Variants in CTNS observed in about 807,000 individuals in gnomAD.
CTNS encodes cystinosin, lysosomal cystine transporter.
CTNS carries 27 observed loss-of-function variants against 43.7 expected under a neutral mutation model. That is an observed-to-expected ratio of 0.62 (90% CI 0.46 to 0.85). The LOEUF (loss-of-function observed/expected upper bound fraction) is 0.85. CTNS is among the 40% of genes least tolerant of loss of function. The pLI, the probability that CTNS is intolerant of heterozygous loss-of-function variation, is 0.00. For synonymous variants in CTNS, 187 were observed against 190.6 expected (o/e 0.98, Z 0.16); for missense variants, 457 against 475.4 (o/e 0.96, Z 0.36).
chr17:3,642,142 C>CGTGTGTGTGTGTGT (rs75793503), intron 3 of CTNS, among the ~76,000 whole-genome samples: 51 of 146,420 alleles, frequency 3.5e-4, no homozygotes, highest in African/African-American at 1.3e-3. Flanking sequence ...TGTGCCCGGG[C>CGTGTGTGTGTGTGT]GTGTGTGTGT....
intron 4 of CTNS, 102 bp from the exon 5 acceptor site, chr17:3,648,745 C>A: frequency 2.0e-6 from 2 of 1,008,958 alleles, no homozygotes; most frequent in Non-Finnish European, 1.6e-6. Context: ...ATTTCCTAAG[C>A]CTAACTGCTT....
intron 3 of CTNS, among the ~76,000 whole-genome samples, chr17:3,642,781 T>G (rs2075751665): frequency 1.3e-5 from 2 of 152,188 alleles, no homozygotes; most frequent in Admixed American, 1.3e-4. Context: ...TGTTTCTTTC[T>G]TCTCTTTGCT....
Position 3,657,867 on chromosome 17 carries a change from C to G in CTNS, c.682-138C>G, listed in dbSNP as rs1364665504. ...CCTGCCACAACCCCAGTGCAGCCCCCACCTTGCAGGGGCTCCTTCAAGGCC... is the reference window on the plus strand; with the variant it reads ...CCTGCCACAACCCCAGTGCAGCCCCGACCTTGCAGGGGCTCCTTCAAGGCC... On this transcript the variant is annotated intron_variant, in intron 9 of 11. Coordinates refer to ENST00000046640, the MANE Select transcript of CTNS (RefSeq NM_004937.3). 7 of 890,736 alleles carry G rather than the reference C, an allele frequency of 7.9e-6. No individual in the cohort carries two copies. In the Admixed American group the frequency reaches 1.1e-4, roughly 15 times the overall value. The allele number at this position is 890,736 out of a possible 1,614,324, so 55.2% of individuals were successfully genotyped here. A position where few individuals can be genotyped will look rare whatever the true frequency, so the allele number is the denominator to read the frequency against.
intron 5 of CTNS, among the ~76,000 whole-genome samples, chr17:3,653,098 C>T (rs2076025579): frequency 6.6e-6 from 1 of 152,122 alleles, no homozygotes; most frequent in African/African-American, 2.4e-5. Context: ...GCACTACAGC[C>T]TGAGCTACAG....
Position 3,660,898 on chromosome 17 carries a change from ACT to A in CTNS, c.*534_*535del, listed in dbSNP as rs2076266363. ...TCTCTGAAGGCCACTTTCCTGACGT[ACT>A]CTCTGTACATAACTCAGCGTCCGTG... On this transcript the variant is annotated 3_prime_UTR_variant, in exon 12 of 12. Transcript: ENST00000046640. 14 of 1,026,978 alleles carry A rather than the reference ACT, an allele frequency of 1.4e-5. No individual in the cohort carries two copies. The highest frequency in any genetic ancestry group is 2.9e-6 in the Non-Finnish European group (2 of 690,634). 63.6% of individuals were successfully genotyped at this position (1,026,978 alleles called of 1,614,324 possible). A position where few individuals can be genotyped will look rare whatever the true frequency, so the allele number is the denominator to read the frequency against.
At chr17:3,638,458 G>A (rs1265301825) in intron 2 of CTNS, among the ~76,000 whole-genome samples, 4 of 152,080 alleles carry the variant, frequency 2.6e-5, no homozygotes, top group South Asian at 4.2e-4. Context: ...GGCTGGTCTC[G>A]AACTCCTGAC....
intron 4 of CTNS, among the ~76,000 whole-genome samples, chr17:3,648,167 C>T (rs998279710): frequency 5.9e-5 from 9 of 152,192 alleles, no homozygotes; most frequent in Admixed American, 1.3e-4. Context: ...CCCCCTTCCT[C>T]GCCTCTCCTG....
At position 3,648,888 on chromosome 17, in the gene CTNS, C is replaced by G; in HGVS notation, c.182C>G (p.Thr61Arg). 6.2e-7 allele frequency: 1 copy of G among 1,614,062 alleles called. No homozygotes were observed. Among genetic ancestry groups the G allele is most frequent in the South Asian group, 1.1e-5 (1 of 91,090 alleles). The change falls in exon 5 of 12, where the codon ACA becomes AGA. Residue 61 changes from threonine (T) to arginine (R), a missense_variant. Transcript: ENST00000046640. ...ACCCTGGTGATCACTTTTGAAATCACATTTCGTTCCAAAAATATTACTATC... is the reference window on the plus strand; with the variant it reads ...ACCCTGGTGATCACTTTTGAAATCAGATTTCGTTCCAAAAATATTACTATC... Reference protein sequence around the residue: ...NATLVITFEITFRSKNITILE... With the variant: ...NATLVITFEIRFRSKNITILE...
At chr17:3,658,974 G>A (rs539145774) in intron 10 of CTNS, among the ~76,000 whole-genome samples, 2 of 152,316 alleles carry the variant, frequency 1.3e-5, no homozygotes, top group African/African-American at 4.8e-5. Flanking sequence ...GGAGCTGGGG[G>A]GGGCTTCCGA....
chr17:3,641,372 A>ATG (rs1468323569), intron 3 of CTNS, among the ~76,000 whole-genome samples: 1 of 51,302 alleles, frequency 1.9e-5, no homozygotes, highest in Admixed American at 2.4e-4. Flanking sequence ...ATATATATAT[A>ATG]TATATATATA....
At position 3,661,012 on chromosome 17, in the gene CTNS, G is replaced by A. The variant is rs1270609769; in HGVS notation, c.*643G>A. 6 of 511,432 alleles carry A rather than the reference G, an allele frequency of 1.2e-5. No homozygotes were observed. The highest frequency in any genetic ancestry group is 3.7e-5 in the East Asian group (1 of 27,284). 31.7% of individuals were successfully genotyped at this position (511,432 alleles called of 1,614,324 possible). On this transcript the variant is annotated 3_prime_UTR_variant, in exon 12 of 12. Transcript: ENST00000046640. ...GTTCTGAATTGGATTCATGCCCAGC[G>A]CATTAGCATAGTAACTCCTTTCAGA...
In CTNS at chr17:3,662,314, A is replaced by G. The variant is rs1669156779; in HGVS notation, c.*1945A>G. ...CAACAAGAACGAAACTCCATCTCAA[A>G]AAAAAAAAAAAATTATTGACTTTTC... On this transcript the variant is annotated 3_prime_UTR_variant, in exon 12 of 12. Coordinates refer to ENST00000046640, the MANE Select transcript of CTNS (RefSeq NM_004937.3). 8.3e-6 allele frequency among the ~76,000 whole-genome samples: 1 copy of G among 120,488 alleles called. No individual in the cohort carries two copies. The allele number at this position is 120,488 out of a possible 152,430, so 79.0% of individuals were successfully genotyped here.
At chr17:3,650,413 T>C in intron 5 of CTNS, 1 of 1,494,340 alleles carries the variant, frequency 6.7e-7, no homozygotes, top group Non-Finnish European at 9.0e-7. Context: ...GCCCAGGAAC[T>C]CAAGGCTGCA....
At chr17:3,640,056 A>G in intron 2 of CTNS, 132 bp from the exon 3 acceptor site, 1 of 762,620 alleles carries the variant, frequency 1.3e-6, no homozygotes. Flanking sequence ...CCGTGATGCA[A>G]AGCCCTGAGG....
At chr17:3,647,374 C>T (rs1050000505) in intron 3 of CTNS, 70 bp from the exon 4 acceptor site, 66 of 1,340,100 alleles carry the variant, frequency 4.9e-5, no homozygotes, top group Non-Finnish European at 6.8e-5. Flanking sequence ...TCAGGGGTTT[C>T]GGCCCAGTTT....
rs1372391937 is a variant in CTNS, at chr17:3,662,738, C to T, written c.*2369C>T. ...CGCAGTGCAGCTGCTGCGGCTCCAC[C>T]AGCCCCGGGCTTTCAGGCAGGTGGG... On this transcript the variant is annotated 3_prime_UTR_variant, in exon 12 of 12. Transcript: ENST00000046640. 1.9e-5 allele frequency among the ~76,000 whole-genome samples: 1 copy of T among 52,644 alleles called. No individual in the cohort carries two copies. Among genetic ancestry groups the T allele is most frequent in the African/African-American group, 5.3e-5 (1 of 18,862 alleles). The allele number at this position is 52,644 out of a possible 152,430, so 34.5% of individuals were successfully genotyped here. A position where few individuals can be genotyped will look rare whatever the true frequency, so the allele number is the denominator to read the frequency against.
At position 3,655,272 on chromosome 17, in the gene CTNS, C is replaced by T. The variant is rs773597361; in HGVS notation, c.381C>T (p.Asn127=). The T allele has an allele frequency of 6.2e-7, 1 of 1,614,216 alleles. No homozygotes were observed. Among genetic ancestry groups the T allele is most frequent in the Non-Finnish European group, 8.5e-7 (1 of 1,180,032 alleles). ...VIRSSAISII[N]QVIGWIYFVA... is the part of the protein sequence containing the mutation. ...GCAGCAGCGCCATTAGCATCATAAA[C>T]CAGGTGATTGGCTGGATCTACTTTG... Residue 127 remains asparagine, a synonymous_variant, in exon 7 of 12, where the codon AAC becomes AAT. Coordinates refer to ENST00000046640, the MANE Select transcript of CTNS (RefSeq NM_004937.3).
At chr17:3,655,696 G>A in intron 7 of CTNS, 1 of 368,192 alleles carries the variant, frequency 2.7e-6, no homozygotes, top group Non-Finnish European at 5.2e-6. Flanking sequence ...GTCAAGTCCT[G>A]TAGTCTCGGT....
intron 10 of CTNS, among the ~76,000 whole-genome samples, chr17:3,659,562 G>C (rs1427167182): frequency 6.6e-6 from 1 of 152,240 alleles, no homozygotes; most frequent in Non-Finnish European, 1.5e-5. Flanking sequence ...TTGGCCCCAG[G>C]GATGTGGAGG....
Sources: gnomAD v4.1 joint callset for allele counts (sites outside exome capture counted in the v4.1 genomes callset) on GRCh38, gnomAD v4.1.1 for gene constraint, MANE v1.5 for transcripts, NCBI Gene and HGNC (gene_info 2026-07-23, HGNC 2026-07-21) for gene names.